Variants in UNC13A observed in about 807,000 individuals in gnomAD.
UNC13A encodes the protein protein unc-13 homolog A.
A neutral mutation model predicts 219.7 loss-of-function variants in UNC13A; 61 were observed. That is an observed-to-expected ratio of 0.28 (90% CI 0.23 to 0.34). The LOEUF is 0.34. UNC13A is among the 10% of genes least tolerant of loss of function. The probability of loss-of-function intolerance (pLI) is 1.00; values close to 1 mark genes in which losing one functional copy is unlikely to be tolerated. For synonymous variants in UNC13A, 920 were observed against 884.6 expected (o/e 1.04, Z -0.71); for missense variants, 1,476 against 2,270.3 (o/e 0.65, Z 7.11).
chr19:17,674,610 C>T lies in UNC13A; in HGVS notation c.152+47G>A. 1 of 1,569,858 alleles carries T rather than the reference C, an allele frequency of 6.4e-7. No individual in the cohort carries two copies. Among genetic ancestry groups the T allele is most frequent in the Non-Finnish European group, 8.8e-7 (1 of 1,142,330 alleles). On this transcript the variant is annotated intron_variant, in intron 3 of 43. Coordinates refer to ENST00000519716, the MANE Select transcript of UNC13A (RefSeq NM_001080421.3). The surrounding 1 kb of genome is among the most constrained non-coding windows in gnomAD (Gnocchi z 5.0). ...TCTGCCCTGAGGGGCCAGCGAGGTG[C>T]TGGGCTATGCCAGGGAGTGAGGTCA... is the stretch of plus-strand genomic sequence containing the variant.
intron 26 of UNC13A, 76 bp downstream of exon 26, chr19:17,635,948 T>C: frequency 6.6e-6 from 10 of 1,505,366 alleles, no homozygotes; most frequent in Non-Finnish European, 9.0e-6. Context: ...AAAATCATCT[T>C]GACACACAAG....
intron 37 of UNC13A, 132 bp from the exon 38 acceptor site, chr19:17,620,854 T>A (rs2076722195): frequency 9.8e-7 from 1 of 1,021,812 alleles, no homozygotes; most frequent in African/African-American, 1.6e-5. Context: ...CTGGGTCTAA[T>A]GGTGGGCCCC....
rs1468619979 is a variant in UNC13A at position 17,616,579 on chromosome 19, G to A, written c.4558+1123C>T. On this transcript the variant is annotated intron_variant, in intron 41 of 43. Coordinates refer to ENST00000519716, the MANE Select transcript of UNC13A (RefSeq NM_001080421.3). ...TGTGTGTGGAGGGGGCAGGGGAGGC[G>A]CGGAGAGGGGACGGCGAGTGAGAGG... 4.2e-5 allele frequency: 22 copies of A among 522,082 alleles called. No homozygotes were observed. In the Admixed American group the frequency reaches 7.2e-4, roughly 17 times the overall value. The allele number at this position is 522,082 out of a possible 1,614,324, so 32.3% of individuals were successfully genotyped here. A position where few individuals can be genotyped will look rare whatever the true frequency, so the allele number is the denominator to read the frequency against.
intron 8 of UNC13A, among the ~76,000 whole-genome samples, chr19:17,661,819 T>TG (rs1321956934): frequency 6.6e-6 from 1 of 152,120 alleles, no homozygotes; most frequent in African/African-American, 2.4e-5. Flanking sequence ...TGTTAGGAGC[T>TG]GGGGCGCACA....
chr19:17,646,160 A>G, intron 17 of UNC13A, 49 bp from the exon 18 acceptor site: 1 of 1,605,976 alleles, frequency 6.2e-7, no homozygotes, highest in Non-Finnish European at 8.5e-7. Flanking sequence ...GAAGCGAGGC[A>G]TGCTGGGGAC....
chr19:17,677,894 T>G (rs750811757), intron 1 of UNC13A, among the ~76,000 whole-genome samples: 8 of 152,182 alleles, frequency 5.3e-5, no homozygotes, highest in Non-Finnish European at 1.0e-4. Context: ...CATACCCACG[T>G]TCGTTTTGCT....
intron 23 of UNC13A, 69 bp from the exon 24 acceptor site, chr19:17,639,594 G>T: frequency 6.6e-7 from 1 of 1,522,142 alleles, no homozygotes. Context: ...CTGCTTTTCA[G>T]GGGGATACAA....
At chr19:17,679,342 G>T (rs2079961951) in intron 1 of UNC13A, among the ~76,000 whole-genome samples, 1 of 152,054 alleles carries the variant, frequency 6.6e-6, no homozygotes, top group African/African-American at 2.4e-5. Flanking sequence ...GGAGGTTGCA[G>T]TGAGCCAAGA....
At chr19:17,666,745 G>T (rs1403633591) in intron 6 of UNC13A, 41 bp from the exon 7 acceptor site, 1 of 1,450,168 alleles carries the variant, frequency 6.9e-7, no homozygotes, top group South Asian at 1.5e-5. Context: ...CTCTCAGAGG[G>T]GCCAAAGGCC....
At chr19:17,641,213 A>G (rs532978660) in intron 21 of UNC13A, among the ~76,000 whole-genome samples, 180 bp downstream of exon 21, 29 of 151,706 alleles carry the variant, frequency 1.9e-4, no homozygotes, top group African/African-American at 6.8e-4. Flanking sequence ...CCTCTCTTCC[A>G]TGTCACTCCA....
intron 19 of UNC13A, among the ~76,000 whole-genome samples, chr19:17,645,009 C>CTTT (rs3049769): frequency 0.016 from 2,077 of 126,520 alleles, 52 homozygotes; most frequent in African/African-American, 0.022. Context: ...AGCCTGGATT[C>CTTT]TTTTTTTTTT....
intron 4 of UNC13A, 93 bp from the exon 5 acceptor site, chr19:17,669,769 C>A: frequency 7.0e-7 from 1 of 1,430,774 alleles, no homozygotes; most frequent in Non-Finnish European, 9.3e-7. Flanking sequence ...CCCCTCACCC[C>A]TACCCCAAAA....
At chr19:17,675,895 T>C (rs1242336194) in intron 2 of UNC13A, 117 bp downstream of exon 2, 14 of 1,308,324 alleles carry the variant, frequency 1.1e-5, no homozygotes, top group African/African-American at 1.5e-5. Context: ...CCTCTCCTGA[T>C]GCTCAGAAGA....
At position 17,636,181 on chromosome 19, in the gene UNC13A, G is replaced by A. The variant is rs936194380; in HGVS notation, c.3082-24C>T. The A allele has an allele frequency of 1.1e-5, 17 of 1,568,250 alleles. No homozygotes were observed. In the Middle Eastern group the frequency reaches 5.0e-4, roughly 46 times the overall value. ...GCCTGAAATGGACAGTGGAGACCTC[G>A]GTTATAGGGGGTCCAGAGGTTGGTG... On this transcript the variant is annotated intron_variant, in intron 25 of 43. Transcript: ENST00000519716.
At chr19:17,628,046 G>T in intron 31 of UNC13A, 106 bp from the exon 32 acceptor site, 1 of 1,071,576 alleles carries the variant, frequency 9.3e-7, no homozygotes, top group Admixed American at 2.1e-5. Context: ...TGGGTCTGGA[G>T]GAAGCTGGGG....
chr19:17,625,706 A>G (rs1052116488), intron 34 of UNC13A, among the ~76,000 whole-genome samples: 1 of 151,646 alleles, frequency 6.6e-6, no homozygotes, highest in African/African-American at 2.4e-5. Flanking sequence ...CCATCCATCC[A>G]TCGACCCACT....
chr19:17,645,313 C>T (rs1184410267), intron 19 of UNC13A, among the ~76,000 whole-genome samples: 1 of 152,140 alleles, frequency 6.6e-6, no homozygotes, highest in Non-Finnish European at 1.5e-5. Flanking sequence ...CTGGCCCCAG[C>T]CTGGATTCTT....
chr19:17,655,229 G>C, intron 11 of UNC13A, 45 bp downstream of exon 11: 1 of 1,478,342 alleles, frequency 6.8e-7, no homozygotes, highest in Non-Finnish European at 9.2e-7. Flanking sequence ...CATTGGGCGT[G>C]GCCTGGCTAA....
In UNC13A at chr19:17,674,443, G is replaced by A. The variant is rs550324364; in HGVS notation, c.152+214C>T. On this transcript the variant is annotated intron_variant, in intron 3 of 43. Transcript: ENST00000519716. The surrounding 1 kb of genome is among the most constrained non-coding windows in gnomAD (Gnocchi z 5.0). ...ACAGGAGGCCAGGGCGGAGGCTGGC[G>A]GGCAGCAGGGACTTGGCTGGTGGCT... 3.3e-5 allele frequency among the ~76,000 whole-genome samples: 5 copies of A among 152,270 alleles called. No homozygotes were observed. The highest frequency in any genetic ancestry group is 4.1e-4 in the South Asian group (2 of 4,826).
Sources: allele counts gnomAD v4.1 joint callset (sites outside exome capture counted in the v4.1 genomes callset), GRCh38; gene constraint gnomAD v4.1.1; non-coding constraint Gnocchi (gnomAD v3.1); transcripts MANE v1.5; gene names NCBI Gene and HGNC (gene_info 2026-07-23, HGNC 2026-07-21).